The following AVL9 variants were observed in gnomAD, a reference collection of about 807,000 sequenced individuals.
The protein encoded by AVL9 is AVL9 cell migration associated, also known as late secretory pathway protein AVL9 homolog.
AVL9 carries 49 observed loss-of-function variants against 79.2 expected under a neutral mutation model. That is an observed-to-expected ratio of 0.62 (90% CI 0.49 to 0.79). The LOEUF is 0.79. Ranked by LOEUF, AVL9 falls within the 30% of genes least tolerant of loss-of-function variation. AVL9 has a pLI of 0.00. For missense variants in AVL9, 682 were observed against 776.8 expected, an observed-to-expected ratio of 0.88 and a Z score of 1.45; for synonymous variants, 299 against 280.6, an observed-to-expected ratio of 1.07 and a Z score of -0.65.
At chr7:32,547,505 T>C (rs1432837820) in intron 3 of AVL9, among the ~76,000 whole-genome samples, 3 of 152,246 alleles carry the variant, frequency 2.0e-5, no homozygotes, top group African/African-American at 7.2e-5. Context: ...CTAGTAAAAT[T>C]ATTTCTACCA....
Position 32,580,280 on chromosome 7 carries a change from C to T in AVL9, c.1742+8C>T. On this transcript the variant is annotated splice_region_variant and intron_variant, in intron 14 of 15. Coordinates refer to ENST00000318709, the MANE Select transcript of AVL9 (RefSeq NM_015060.3). ...GAAGTTAAGGTTCTCACAGTAAGTA[C>T]TTAGAGAAAATACTGGGAAAATTCT... The T allele has an allele frequency of 6.2e-7, 1 of 1,603,186 alleles. No homozygotes were observed. The highest frequency in any genetic ancestry group is 8.5e-7 in the Non-Finnish European group (1 of 1,173,326).
intron 1 of AVL9, chr7:32,532,330 G>A (rs537357598): frequency 6.6e-6 from 1 of 152,300 alleles, no homozygotes; most frequent in Admixed American, 6.5e-5. Flanking sequence ...GCAGGCCATG[G>A]ATAGTTTAAT....
intron 1 of AVL9, among the ~76,000 whole-genome samples, chr7:32,528,439 C>A (rs893455128): frequency 6.6e-6 from 1 of 152,162 alleles, no homozygotes; most frequent in African/African-American, 2.4e-5. Context: ...GCTTCTAACT[C>A]ATTGAGGAGA....
chr7:32,499,409 A>G (rs1304208559), intron 1 of AVL9, among the ~76,000 whole-genome samples: 2 of 152,062 alleles, frequency 1.3e-5, no homozygotes, highest in Non-Finnish European at 2.9e-5. Context: ...TCAAGTTAAA[A>G]GGGAATAGGT....
intron 7 of AVL9, 136 bp downstream of exon 7, chr7:32,553,903 T>A: frequency 1.7e-6 from 1 of 574,974 alleles, no homozygotes; most frequent in East Asian, 2.7e-5. Context: ...CTTTAGTTCT[T>A]CTAAGATGTA....
chr7:32,543,131 A>G lies in AVL9; in HGVS notation c.94-10A>G. ...AACCACCTTTTGGCTAACATTCCTT[A>G]CTATTTTAGGTTGAATTCTCTTACC... On this transcript the variant is annotated splice_polypyrimidine_tract_variant and intron_variant, in intron 1 of 15. Transcript: ENST00000318709. 1 of 1,612,898 alleles carries G rather than the reference A, an allele frequency of 6.2e-7. No individual in the cohort carries two copies. The highest frequency in any genetic ancestry group is 1.1e-5 in the South Asian group (1 of 90,740).
chr7:32,516,418 G>C, intron 1 of AVL9, among the ~76,000 whole-genome samples: 1 of 152,044 alleles, frequency 6.6e-6, no homozygotes, highest in East Asian at 1.9e-4. Context: ...TTTGCGTGAG[G>C]AACTGAAACT....
chr7:32,523,821 C>T (rs1417562896), intron 1 of AVL9, among the ~76,000 whole-genome samples: 1 of 151,214 alleles, frequency 6.6e-6, no homozygotes, highest in African/African-American at 2.4e-5. Flanking sequence ...GCAAGCTCCG[C>T]CTCCTGGGTT....
chr7:32,504,212 AT>A (rs1328817889), intron 1 of AVL9, among the ~76,000 whole-genome samples: 3 of 152,224 alleles, frequency 2.0e-5, no homozygotes, highest in South Asian at 2.1e-4. Flanking sequence ...AAATACATTG[AT>A]TTAATTTAAT....
intron 1 of AVL9, among the ~76,000 whole-genome samples, chr7:32,520,424 C>T (rs921297193): frequency 1.3e-5 from 2 of 152,140 alleles, no homozygotes; most frequent in Admixed American, 6.5e-5. Context: ...ATTGAACAAT[C>T]CCTGATGAGT....
intron 1 of AVL9, chr7:32,532,296 T>C (rs1788693172): frequency 6.6e-6 from 1 of 152,232 alleles, no homozygotes; most frequent in African/African-American, 2.4e-5. Flanking sequence ...TCAGGGGTTT[T>C]TATAGGCACA....
intron 1 of AVL9, among the ~76,000 whole-genome samples, chr7:32,526,261 T>A (rs1178269307): frequency 6.6e-6 from 1 of 152,150 alleles, no homozygotes; most frequent in Non-Finnish European, 1.5e-5. Flanking sequence ...CTTAACTGCT[T>A]CCTGCTGACA....
chr7:32,532,187 A>T (rs1174197420), intron 1 of AVL9: 1 of 152,222 alleles, frequency 6.6e-6, no homozygotes, highest in Non-Finnish European at 1.5e-5. Context: ...ATTCTTTTCC[A>T]AAGTTAGGCC....
At chr7:32,542,868 G>T (rs1008056801) in intron 1 of AVL9, among the ~76,000 whole-genome samples, 2 of 152,122 alleles carry the variant, frequency 1.3e-5, no homozygotes, top group African/African-American at 2.4e-5. Flanking sequence ...ATATCAATCT[G>T]CAGTTCAATC....
chr7:32,579,406 TATATA>T lies in AVL9; in HGVS notation c.1689-808_1689-804del, dbSNP rs1169003851. 3.6e-3 allele frequency among the ~76,000 whole-genome samples: 54 copies of T among 14,860 alleles called. 10 individuals carry two copies. Among genetic ancestry groups the T allele is most frequent in the African/African-American group, 9.9e-3 (40 of 4,056 alleles). 9.7% of individuals were successfully genotyped at this position (14,860 alleles called of 152,430 possible). A position where few individuals can be genotyped will look rare whatever the true frequency, so the allele number is the denominator to read the frequency against. On this transcript the variant is annotated intron_variant, in intron 13 of 15. Transcript: ENST00000318709. ...ATAACATATTATATGTTATATATTA[TATATA>T]ATATGTTATATATATAATATATATA...
chr7:32,541,492 TA>T (rs1004373331), intron 1 of AVL9, among the ~76,000 whole-genome samples: 2 of 152,248 alleles, frequency 1.3e-5, no homozygotes, highest in East Asian at 1.9e-4. Context: ...TTTTTGGTGT[TA>T]AAAAATAATT....
At chr7:32,526,055 A>G (rs1788387589) in intron 1 of AVL9, among the ~76,000 whole-genome samples, 1 of 152,172 alleles carries the variant, frequency 6.6e-6, no homozygotes, top group African/African-American at 2.4e-5. Flanking sequence ...AACCTAGGTT[A>G]CCACACAAGA....
intron 1 of AVL9, among the ~76,000 whole-genome samples, chr7:32,512,745 C>T (rs998701649): frequency 1.3e-5 from 2 of 152,172 alleles, no homozygotes; most frequent in African/African-American, 4.8e-5. Context: ...CAGAAATCTT[C>T]GAGCTTGCAG....
intron 15 of AVL9, chr7:32,581,098 A>C (rs987392267): frequency 7.7e-6 from 4 of 519,426 alleles, no homozygotes; most frequent in Admixed American, 3.5e-5. Flanking sequence ...AGAGTGACAA[A>C]ATTTTCTGAT....
Sources: allele counts gnomAD v4.1 joint callset (sites outside exome capture counted in the v4.1 genomes callset), GRCh38; gene constraint gnomAD v4.1.1; transcripts MANE v1.5; gene names NCBI Gene and HGNC (gene_info 2026-07-23, HGNC 2026-07-21).